GOPC: variants seen among roughly 807,000 people sequenced by gnomAD.
GOPC encodes golgi associated PDZ and coiled-coil motif containing, also known as Golgi-associated PDZ and coiled-coil motif-containing protein.
GOPC carries 32 observed loss-of-function variants against 51.2 expected under a neutral mutation model. The observed-to-expected ratio is 0.63, with a 90% confidence interval of 0.47 to 0.84. The LOEUF is 0.84. Ranked by LOEUF, GOPC falls within the 40% of genes least tolerant of loss-of-function variation. GOPC has a pLI of 0.00. For synonymous variants in GOPC, 190 were observed against 205.1 expected (o/e 0.93, Z 0.63); for missense variants, 441 against 555.5 (o/e 0.79, Z 2.07).
At chr6:117,599,520 G>A (rs1017657385) in intron 1 of GOPC, among the ~76,000 whole-genome samples, 4 of 152,190 alleles carry the variant, frequency 2.6e-5, no homozygotes, top group African/African-American at 9.7e-5. Context: ...GCTGCTAAAC[G>A]TGTACAGATT....
chr6:117,568,593 C>A (rs1012243499), intron 7 of GOPC, among the ~76,000 whole-genome samples: 1 of 152,260 alleles, frequency 6.6e-6, no homozygotes, highest in Non-Finnish European at 1.5e-5. Context: ...CTCTTGTCAG[C>A]TAATGCTTTA....
chr6:117,574,279 T>C (rs906750563), intron 4 of GOPC, among the ~76,000 whole-genome samples: 4 of 151,988 alleles, frequency 2.6e-5, no homozygotes, highest in Non-Finnish European at 5.9e-5. Context: ...AAAAAGTTAC[T>C]AGAAAATTTG....
At chr6:117,599,270 A>C (rs1375917204) in intron 1 of GOPC, among the ~76,000 whole-genome samples, 1 of 152,206 alleles carries the variant, frequency 6.6e-6, no homozygotes, top group African/African-American at 2.4e-5. Context: ...TTAAACCATA[A>C]GTGGTTTCAA....
intron 1 of GOPC, among the ~76,000 whole-genome samples, chr6:117,580,302 T>G (rs1381194982): frequency 6.6e-6 from 1 of 152,128 alleles, no homozygotes; most frequent in Non-Finnish European, 1.5e-5. Flanking sequence ...ATACTAGCCC[T>G]GTGATTCTCA....
chr6:117,566,730 G>A, intron 8 of GOPC, 124 bp downstream of exon 8: 1 of 577,500 alleles, frequency 1.7e-6, no homozygotes, highest in South Asian at 3.0e-5. Context: ...ATAAACAAGG[G>A]AAAGCTCTTC....
chr6:117,600,489 T>C (rs1174320495), intron 1 of GOPC, among the ~76,000 whole-genome samples: 2 of 152,196 alleles, frequency 1.3e-5, no homozygotes. Context: ...AAGGCTACTC[T>C]TGATCTTTGT....
intron 8 of GOPC, among the ~76,000 whole-genome samples, chr6:117,564,029 T>C (rs548296428): frequency 4.6e-5 from 7 of 151,738 alleles, no homozygotes; most frequent in Non-Finnish European, 7.4e-5. Context: ...CCAGGCTGGA[T>C]TGCAGTGGCA....
chr6:117,580,731 A>AT (rs1402609343), intron 1 of GOPC, among the ~76,000 whole-genome samples: 2 of 152,164 alleles, frequency 1.3e-5, no homozygotes, highest in Non-Finnish European at 2.9e-5. Context: ...ATTTTGAAGC[A>AT]TTTTCTCTCA....
intron 1 of GOPC, among the ~76,000 whole-genome samples, chr6:117,588,777 TTATA>T (rs1780070546): frequency 6.7e-6 from 1 of 150,116 alleles, no homozygotes; most frequent in African/African-American, 2.4e-5. Context: ...TATACTTTTT[TTATA>T]TTTTATATTT....
intron 1 of GOPC, among the ~76,000 whole-genome samples, chr6:117,588,819 TA>T (rs918269190): frequency 8.7e-4 from 125 of 142,942 alleles, no homozygotes; most frequent in Admixed American, 9.8e-4. Flanking sequence ...TAACCCACAT[TA>T]AAAAAAAAAA....
At chr6:117,574,853 G>T (rs1470975206) in intron 4 of GOPC, among the ~76,000 whole-genome samples, 2 of 152,176 alleles carry the variant, frequency 1.3e-5, no homozygotes, top group Non-Finnish European at 2.9e-5. Flanking sequence ...GGCCAAGGTG[G>T]ATGGATCACA....
intron 1 of GOPC, among the ~76,000 whole-genome samples, chr6:117,591,067 A>G (rs1780110036): frequency 6.6e-6 from 1 of 152,068 alleles, no homozygotes; most frequent in Non-Finnish European, 1.5e-5. Flanking sequence ...AGCCAGGCTG[A>G]TCTCAAACTC....
At chr6:117,568,530 A>C (rs1779743875) in intron 7 of GOPC, among the ~76,000 whole-genome samples, 1 of 152,238 alleles carries the variant, frequency 6.6e-6, no homozygotes, top group Non-Finnish European at 1.5e-5. Flanking sequence ...ATGACAGTCA[A>C]GATGGATTGA....
chr6:117,580,950 G>A (rs1469541919), intron 1 of GOPC, among the ~76,000 whole-genome samples: 1 of 152,102 alleles, frequency 6.6e-6, no homozygotes, highest in East Asian at 1.9e-4. Flanking sequence ...CAAGAATAAT[G>A]CAAGTATTTC....
intron 3 of GOPC, among the ~76,000 whole-genome samples, chr6:117,576,631 A>G (rs923846039): frequency 6.6e-6 from 1 of 152,108 alleles, no homozygotes; most frequent in Non-Finnish European, 1.5e-5. Flanking sequence ...AATGTGGGAG[A>G]CATACTAAGC....
At chr6:117,591,001 C>T (rs924154632) in intron 1 of GOPC, among the ~76,000 whole-genome samples, 4 of 152,078 alleles carry the variant, frequency 2.6e-5, no homozygotes, top group South Asian at 2.1e-4. Flanking sequence ...TACAGGCATG[C>T]GCCACCACAC....
intron 1 of GOPC, among the ~76,000 whole-genome samples, chr6:117,594,420 A>C (rs1338602480): frequency 6.6e-6 from 1 of 152,142 alleles, no homozygotes; most frequent in African/African-American, 2.4e-5. Context: ...ATTTACTCTT[A>C]TGTACCTTTC....
At chr6:117,592,972 T>C (rs1355355053) in intron 1 of GOPC, among the ~76,000 whole-genome samples, 1 of 152,212 alleles carries the variant, frequency 6.6e-6, no homozygotes, top group Non-Finnish European at 1.5e-5. Flanking sequence ...AACAAACTCC[T>C]TTGCTATAAC....
chr6:117,563,052 C>T lies in GOPC; in HGVS notation c.*202G>A. ...GTTCAAGAAAATCAAAATTGCTTTA[C>T]ATGCAATAGCTAATTATGGTCTACC... On this transcript the variant is annotated 3_prime_UTR_variant, in exon 9 of 9. Coordinates refer to ENST00000368498, the MANE Select transcript of GOPC (RefSeq NM_020399.4). 1 of 530,394 alleles carries T rather than the reference C, an allele frequency of 1.9e-6. No individual in the cohort carries two copies. The highest frequency in any genetic ancestry group is 3.3e-6 in the Non-Finnish European group (1 of 299,792). 32.9% of individuals were successfully genotyped at this position (530,394 alleles called of 1,614,324 possible). A position where few individuals can be genotyped will look rare whatever the true frequency, so the allele number is the denominator to read the frequency against.
Sources: allele counts gnomAD v4.1 joint callset (sites outside exome capture counted in the v4.1 genomes callset), GRCh38; gene constraint gnomAD v4.1.1; transcripts MANE v1.5; gene names NCBI Gene and HGNC (gene_info 2026-07-23, HGNC 2026-07-21).